The following RANBP9 variants were observed in gnomAD, a reference collection of about 807,000 sequenced individuals.
RANBP9 encodes the protein ran-binding protein 9.
A neutral mutation model predicts 84.3 loss-of-function variants in RANBP9; 15 were observed. That is an observed-to-expected ratio of 0.18 (90% CI 0.12 to 0.27). The LOEUF (loss-of-function observed/expected upper bound fraction) is 0.27, where lower values mean the gene tolerates loss of function less well. RANBP9 is among the 10% of genes least tolerant of loss of function. The probability of loss-of-function intolerance (pLI) is 1.00; values close to 1 mark genes in which losing one functional copy is unlikely to be tolerated. For missense variants in RANBP9, 809 were observed against 912.8 expected, an observed-to-expected ratio of 0.89 and a Z score of 1.46; for synonymous variants, 392 against 349.6, an observed-to-expected ratio of 1.12 and a Z score of -1.35.
intron 1 of RANBP9, among the ~76,000 whole-genome samples, chr6:13,702,639 T>C (rs1272126114): frequency 1.3e-5 from 2 of 152,196 alleles, no homozygotes; most frequent in East Asian, 3.8e-4. Flanking sequence ...ATTTTGGTTA[T>C]GTAGGATTTT....
intron 2 of RANBP9, among the ~76,000 whole-genome samples, chr6:13,689,737 T>C (rs1002139580): frequency 4.6e-5 from 7 of 152,246 alleles, no homozygotes; most frequent in Non-Finnish European, 1.0e-4. Flanking sequence ...AAATTCTTAC[T>C]CATTTTGTAA....
intron 8 of RANBP9, among the ~76,000 whole-genome samples, chr6:13,640,269 T>A (rs1562300741): frequency 6.6e-6 from 1 of 152,156 alleles, no homozygotes; most frequent in Non-Finnish European, 1.5e-5. Context: ...CAAGTTGAAA[T>A]CTGAAGCTCA....
intron 8 of RANBP9, 33 bp downstream of exon 8, chr6:13,641,166 T>C (rs763238182): frequency 1.6e-6 from 2 of 1,248,486 alleles, no homozygotes; most frequent in South Asian, 1.5e-5. Flanking sequence ...TTATAATATA[T>C]AACAAATATA....
At chr6:13,695,110 G>C (rs1430050879) in intron 2 of RANBP9, among the ~76,000 whole-genome samples, 1 of 152,206 alleles carries the variant, frequency 6.6e-6, no homozygotes, top group African/African-American at 2.4e-5. Flanking sequence ...GAGCTAGTCA[G>C]ATCTGAGGGG....
chr6:13,666,696 G>A (rs1035976770), intron 2 of RANBP9, among the ~76,000 whole-genome samples: 11 of 150,784 alleles, frequency 7.3e-5, no homozygotes, highest in Admixed American at 2.0e-4. Flanking sequence ...CTGAGAGGTC[G>A]AGGCTGCAGT....
At chr6:13,651,945 C>CA (rs1365645871) in intron 5 of RANBP9, among the ~76,000 whole-genome samples, 1 of 152,122 alleles carries the variant, frequency 6.6e-6, no homozygotes, top group Admixed American at 6.5e-5. Context: ...CACTCTTCTT[C>CA]AAACAAGCCA....
chr6:13,680,734 CA>C (rs2113327818), intron 2 of RANBP9, among the ~76,000 whole-genome samples: 1 of 144,420 alleles, frequency 6.9e-6, no homozygotes, highest in South Asian at 2.2e-4. Context: ...CCAACCTGGG[CA>C]ACTAAGTGAG....
At chr6:13,687,896 G>A (rs1431730951) in intron 2 of RANBP9, among the ~76,000 whole-genome samples, 1 of 152,156 alleles carries the variant, frequency 6.6e-6, no homozygotes, top group Non-Finnish European at 1.5e-5. Flanking sequence ...ATTAGCATTA[G>A]AAGTCCCTTC....
At chr6:13,649,749 AT>A (rs1765253342) in intron 5 of RANBP9, among the ~76,000 whole-genome samples, 2 of 151,842 alleles carry the variant, frequency 1.3e-5, no homozygotes, top group Non-Finnish European at 2.9e-5. Context: ...CTACTACTCC[AT>A]TTCTTTACTC....
intron 1 of RANBP9, among the ~76,000 whole-genome samples, chr6:13,697,716 T>G (rs1394968474): frequency 6.6e-6 from 1 of 152,070 alleles, no homozygotes; most frequent in African/African-American, 2.4e-5. Context: ...AGAAAATATG[T>G]CCACAAAACC....
At chr6:13,706,874 C>T (rs1425938928) in intron 1 of RANBP9, among the ~76,000 whole-genome samples, 1 of 151,134 alleles carries the variant, frequency 6.6e-6, no homozygotes, top group Non-Finnish European at 1.5e-5. Flanking sequence ...TGGTGCTAAG[C>T]GCCTGTAATC....
chr6:13,687,971 T>TGGCAGCAGCCAGCAGC (rs1766228883), intron 2 of RANBP9, among the ~76,000 whole-genome samples: 1 of 152,242 alleles, frequency 6.6e-6, no homozygotes, highest in Admixed American at 6.5e-5. Context: ...GCAGCAGCAG[T>TGGCAGCAGCCAGCAGC]GGCAGCAGCC....
chr6:13,710,885 G>A, intron 1 of RANBP9, 50 bp downstream of exon 1: 1 of 1,527,040 alleles, frequency 6.5e-7, no homozygotes, highest in Non-Finnish European at 8.8e-7. Context: ...GCGGCGGCCG[G>A]CCACGTCGGG....
intron 8 of RANBP9, 54 bp downstream of exon 8, chr6:13,641,145 T>C (rs1422693197): frequency 1.8e-6 from 2 of 1,128,236 alleles, no homozygotes; most frequent in Admixed American, 2.9e-5. Context: ...ATTACATAAC[T>C]TGACAAATAT....
rs756055576 is a variant in RANBP9, at chr6:13,644,653, A to G, written c.1004T>C (p.Val335Ala). The G allele has an allele frequency of 1.4e-4, 222 of 1,613,134 alleles. No individual in the cohort carries two copies. Among genetic ancestry groups the G allele is most frequent in the Non-Finnish European group, 1.8e-4 (218 of 1,179,566 alleles). The part of the protein sequence containing the change: ...VDANFGQHPF[V>A]FDIEDYMREW... ...CCGCATATAGTCTTCTATATCAAACACGAAAGGATGTTGCCCAAAATTGGC... is the reference window on the plus strand; with the variant it reads ...CCGCATATAGTCTTCTATATCAAACGCGAAAGGATGTTGCCCAAAATTGGC... The change falls in exon 6 of 14, where the codon GTG (valine) becomes GCG (alanine). Residue 335 changes from valine (V) to alanine (A), a missense_variant. Transcript: ENST00000011619.
At chr6:13,678,543 T>C (rs1765951660) in intron 2 of RANBP9, among the ~76,000 whole-genome samples, 1 of 152,178 alleles carries the variant, frequency 6.6e-6, no homozygotes, top group Non-Finnish European at 1.5e-5. Flanking sequence ...AAGCCAGTAT[T>C]TCCTGCCCTA....
At chr6:13,686,636 T>C (rs1229486423) in intron 2 of RANBP9, among the ~76,000 whole-genome samples, 1 of 152,046 alleles carries the variant, frequency 6.6e-6, no homozygotes, top group Non-Finnish European at 1.5e-5. Flanking sequence ...ACTACTGGGC[T>C]CAGGCAATCC....
At chr6:13,660,336 T>C (rs916201497) in intron 2 of RANBP9, among the ~76,000 whole-genome samples, 3 of 151,996 alleles carry the variant, frequency 2.0e-5, no homozygotes, top group African/African-American at 2.4e-5. Context: ...TTGGGAAACC[T>C]TGTCTCAAAA....
chr6:13,688,959 C>A (rs1285821880), intron 2 of RANBP9, among the ~76,000 whole-genome samples: 9 of 124,592 alleles, frequency 7.2e-5, no homozygotes, highest in Admixed American at 2.1e-4. Flanking sequence ...CCAGCCTGTG[C>A]AACATACCGA....
Sources: allele counts gnomAD v4.1 joint callset (sites outside exome capture counted in the v4.1 genomes callset), GRCh38; gene constraint gnomAD v4.1.1; transcripts MANE v1.5; gene names NCBI Gene and HGNC (gene_info 2026-07-23, HGNC 2026-07-21).